INPP5K: variants seen among roughly 807,000 people sequenced by gnomAD.
INPP5K encodes inositol polyphosphate 5-phosphatase K.
In INPP5K, 35 loss-of-function variants were observed where a neutral mutation model predicts 53.5. The ratio of observed to expected loss-of-function variants is 0.65; its 90% CI spans 0.50 to 0.87. The LOEUF is 0.87. INPP5K is among the 40% of genes least tolerant of loss of function. INPP5K has a pLI of 0.00. For missense variants in INPP5K, 550 were observed against 586.2 expected (o/e 0.94, Z 0.64); for synonymous variants, 253 against 232.8 (o/e 1.09, Z -0.79).
chr17:1,508,727 G>A (rs1050908702), intron 5 of INPP5K, among the ~76,000 whole-genome samples: 3 of 152,084 alleles, frequency 2.0e-5, no homozygotes, highest in African/African-American at 7.2e-5. Flanking sequence ...TGCTGGCTTG[G>A]GTTAGCGTGG....
chr17:1,516,353 A>T, intron 1 of INPP5K, 103 bp downstream of exon 1: 1 of 1,279,196 alleles, frequency 7.8e-7, no homozygotes, highest in Non-Finnish European at 1.1e-6. Context: ...CTCTGAACCA[A>T]AGGCAGTCAT....
intron 3 of INPP5K, among the ~76,000 whole-genome samples, chr17:1,513,102 G>A (rs977214817): frequency 2.0e-5 from 3 of 152,180 alleles, no homozygotes; most frequent in Admixed American, 6.5e-5. Flanking sequence ...AATGACAGCC[G>A]TATGATTACA....
intron 7 of INPP5K, among the ~76,000 whole-genome samples, chr17:1,502,430 C>T (rs909706912): frequency 2.0e-5 from 3 of 152,180 alleles, no homozygotes; most frequent in African/African-American, 7.2e-5. Flanking sequence ...CCCTAACTTC[C>T]CTGTGATGGT....
At chr17:1,500,369 T>G (rs915813009) in intron 7 of INPP5K, among the ~76,000 whole-genome samples, 7 of 150,400 alleles carry the variant, frequency 4.7e-5, no homozygotes, top group African/African-American at 1.7e-4. Flanking sequence ...CTTCCAAAGT[T>G]TTTTTTTTTT....
Position 1,508,095 on chromosome 17 carries a change from A to C in INPP5K, c.666+20T>G. The C allele has an allele frequency of 1.9e-6, 3 of 1,544,872 alleles. No individual in the cohort carries two copies. The highest frequency in any genetic ancestry group is 2.7e-6 in the Non-Finnish European group (3 of 1,117,158). Reference sequence around the variant, plus strand: ...CCGTGGGCTCAGATCACCCCCTGGGACCCTCCCCTCACTGGATACCTGGTC... The same window carrying C: ...CCGTGGGCTCAGATCACCCCCTGGGCCCCTCCCCTCACTGGATACCTGGTC... On this transcript the variant is annotated intron_variant, in intron 6 of 11. Transcript: ENST00000421807.
intron 1 of INPP5K, 129 bp downstream of exon 1, chr17:1,516,327 G>C: frequency 9.1e-7 from 1 of 1,096,744 alleles, no homozygotes; most frequent in Non-Finnish European, 1.3e-6. Context: ...ACAGGCGTGG[G>C]AGAAGGCGAG....
At chr17:1,514,121 G>C (rs1299941497) in intron 1 of INPP5K, 142 bp from the exon 2 acceptor site, 2 of 475,690 alleles carry the variant, frequency 4.2e-6, no homozygotes. Context: ...TCGGGAGTTC[G>C]AGACAAGCCT....
chr17:1,512,616 T>G (rs939563), intron 3 of INPP5K, among the ~76,000 whole-genome samples: 1 of 151,884 alleles, frequency 6.6e-6, no homozygotes, highest in South Asian at 2.1e-4. Context: ...GTGTGTTTCA[T>G]TCCTCAGGTG....
intron 7 of INPP5K, among the ~76,000 whole-genome samples, chr17:1,502,173 C>T (rs1195664250): frequency 2.6e-5 from 4 of 151,514 alleles, no homozygotes; most frequent in African/African-American, 4.9e-5. Context: ...CATGGTGAAA[C>T]CCCGTCTCTA....
rs143400742 is a variant in INPP5K at position 1,513,973 on chromosome 17, G to A, written c.51C>T (p.His17=). 1,083 of 1,609,114 alleles carry A rather than the reference G, an allele frequency of 6.7e-4. 8 individuals carry two copies. In the African/African-American group the frequency reaches 0.012, roughly 18 times the overall value. The change falls in exon 2 of 12, where the codon CAC becomes CAT. Residue 17 remains histidine (H), a synonymous_variant. Transcript: ENST00000421807. ...SGPKGRRLSI[H]VVTWNVASAA... ...CCGAAGCCACGTTCCAAGTCACGAC[G>A]TGTATGCTGCGGAAGGGATGCAGAG...
intron 3 of INPP5K, among the ~76,000 whole-genome samples, chr17:1,511,267 G>GTTCCT (rs1247848369): frequency 1.3e-3 from 195 of 152,308 alleles, no homozygotes; most frequent in African/African-American, 4.5e-3. Flanking sequence ...GGAGGCTAAG[G>GTTCCT]AACCAGTAGG....
chr17:1,513,598 C>G (rs1203644063), intron 2 of INPP5K, 37 bp from the exon 3 acceptor site: 1 of 1,534,414 alleles, frequency 6.5e-7, no homozygotes, highest in Admixed American at 1.7e-5. Flanking sequence ...CCCCTGGCCT[C>G]CAGGCTACTT....
At chr17:1,502,635 A>G (rs959750411) in intron 7 of INPP5K, among the ~76,000 whole-genome samples, 1 of 152,002 alleles carries the variant, frequency 6.6e-6, no homozygotes, top group African/African-American at 2.4e-5. Context: ...GGATATGAGA[A>G]ATAGGATGGA....
At position 1,498,015 on chromosome 17, in the gene INPP5K, A is replaced by G; in HGVS notation, c.884T>C (p.Leu295Ser). ...GTGGCTGCTGTAGCCCCTCAGAGAC[A>G]AGGAGAAGTGTGACGCCGGCGGTAT... ...TPIPPASHFS[L>S]SLRGYSSHMT... is the part of the protein sequence containing the mutation. Residue 295 changes from leucine to serine, a missense_variant, in exon 8 of 12, where the codon TTG becomes TCG. Transcript: ENST00000421807. The G allele has an allele frequency of 1.2e-6, 2 of 1,614,112 alleles. No individual in the cohort carries two copies. The highest frequency in any genetic ancestry group is 1.7e-6 in the Non-Finnish European group (2 of 1,180,004).
chr17:1,505,757 C>T (rs1366177719), intron 7 of INPP5K, among the ~76,000 whole-genome samples: 1 of 152,214 alleles, frequency 6.6e-6, no homozygotes, highest in Non-Finnish European at 1.5e-5. Flanking sequence ...TCCCAAAGCC[C>T]TGGGCTGCCC....
At chr17:1,497,355 C>T (rs752565648) in intron 8 of INPP5K, among the ~76,000 whole-genome samples, 8 of 152,132 alleles carry the variant, frequency 5.3e-5, no homozygotes, top group African/African-American at 7.2e-5. Flanking sequence ...CCTGTAGTCC[C>T]GCTACTAGGG....
intron 7 of INPP5K, among the ~76,000 whole-genome samples, chr17:1,506,265 C>A (rs1327716781): frequency 6.6e-6 from 1 of 152,160 alleles, no homozygotes; most frequent in Non-Finnish European, 1.5e-5. Context: ...CTTCAGTGAT[C>A]CACCTGCCTC....
At position 1,498,016 on chromosome 17, in the gene INPP5K, A is replaced by C; in HGVS notation, c.883T>G (p.Leu295Val). Residue 295 changes from leucine to valine, a missense_variant, in exon 8 of 12, where the codon TTG (leucine) becomes GTG (valine). Coordinates refer to ENST00000421807, the MANE Select transcript of INPP5K (RefSeq NM_016532.4). ...TPIPPASHFS[L>V]SLRGYSSHMT... ...TGGCTGCTGTAGCCCCTCAGAGACA[A>C]GGAGAAGTGTGACGCCGGCGGTATG... is the stretch of plus-strand genomic sequence containing the variant. 1.9e-6 allele frequency: 3 copies of C among 1,614,110 alleles called. No individual in the cohort carries two copies. Among genetic ancestry groups the C allele is most frequent in the Non-Finnish European group, 2.5e-6 (3 of 1,180,002 alleles).
At chr17:1,501,061 C>T (rs1211263360) in intron 7 of INPP5K, among the ~76,000 whole-genome samples, 1 of 151,214 alleles carries the variant, frequency 6.6e-6, no homozygotes, top group Non-Finnish European at 1.5e-5. Context: ...CGGGTTCAAG[C>T]GATTCTCCTG....
Sources: allele counts gnomAD v4.1 joint callset (sites outside exome capture counted in the v4.1 genomes callset), GRCh38; gene constraint gnomAD v4.1.1; transcripts MANE v1.5; gene names NCBI Gene and HGNC (gene_info 2026-07-23, HGNC 2026-07-21).